TAMM41: variants seen among roughly 807,000 people sequenced by gnomAD.
TAMM41 encodes the protein phosphatidate cytidylyltransferase, mitochondrial.
TAMM41 carries 36 observed loss-of-function variants against 44.1 expected under a neutral mutation model. The observed-to-expected ratio is 0.82, with a 90% CI of 0.63 to 1.08. The LOEUF is 1.08. TAMM41 is among the 50% of genes least tolerant of loss of function. The probability of loss-of-function intolerance (pLI) is 0.00; values close to 1 mark genes in which losing one functional copy is unlikely to be tolerated. For synonymous variants in TAMM41, 164 were observed against 153.1 expected (o/e 1.07, Z -0.53); for missense variants, 417 against 404.3 (o/e 1.03, Z -0.27).
At chr3:11,770,746 G>C in the TAMM41 span, among the ~76,000 whole-genome samples, 1 of 152,154 alleles carries the variant, frequency 6.6e-6, no homozygotes, top group Non-Finnish European at 1.5e-5. Flanking sequence ...ACAGAAGTAC[G>C]AGCGACAGCC....
At chr3:11,808,650 T>C in intron 6 of TAMM41, 6 of 979,256 alleles carry the variant, frequency 6.1e-6, no homozygotes, top group Non-Finnish European at 7.3e-6. Flanking sequence ...TAAATATTTC[T>C]TGATTGACTG....
At chr3:11,797,665 G>A (rs1048617680) in intron 7 of TAMM41, among the ~76,000 whole-genome samples, 1 of 152,180 alleles carries the variant, frequency 6.6e-6, no homozygotes, top group African/African-American at 2.4e-5. Context: ...AAGAGCTTCT[G>A]CGCAGCAAAA....
chr3:11,739,630 C>T, the TAMM41 span, among the ~76,000 whole-genome samples: 1 of 136,138 alleles, frequency 7.3e-6, no homozygotes, highest in Non-Finnish European at 1.5e-5. Flanking sequence ...CAAGATAACA[C>T]CACTGCACTC....
At chr3:11,767,176 C>T in the TAMM41 span, among the ~76,000 whole-genome samples, 2 of 152,120 alleles carry the variant, frequency 1.3e-5, no homozygotes, top group Admixed American at 6.5e-5. Context: ...TCAAGCAATT[C>T]TCGTGCCTCA....
the TAMM41 span, among the ~76,000 whole-genome samples, chr3:11,752,097 T>C: frequency 6.6e-6 from 1 of 152,174 alleles, no homozygotes; most frequent in Non-Finnish European, 1.5e-5. Flanking sequence ...TCCGGTGGGT[T>C]TGTGGTCTCC....
intron 6 of TAMM41, 46 bp from the exon 7 acceptor site, chr3:11,807,941 A>C: frequency 1.4e-6 from 2 of 1,480,516 alleles, no homozygotes; most frequent in Non-Finnish European, 1.8e-6. Flanking sequence ...CCCAAAACAG[A>C]TGTTAGTCAT....
the TAMM41 span, among the ~76,000 whole-genome samples, chr3:11,745,052 G>A: frequency 3.3e-5 from 5 of 152,112 alleles, no homozygotes; most frequent in African/African-American, 9.7e-5. Context: ...TAGTAGAGAT[G>A]GGGTTGCACC....
In TAMM41 at chr3:11,807,828, C is replaced by A. The variant is rs1339396442; in HGVS notation, c.937+5G>T. ...ATGTTACACACGGATTTCCAAAGCT[C>A]TTACCAGCAGTAAAAATGCCTTTCG... On this transcript the variant is annotated splice_donor_5th_base_variant and intron_variant, in intron 7 of 7. Transcript: ENST00000455809. 2.6e-6 allele frequency: 4 copies of A among 1,536,042 alleles called. No homozygotes were observed. Among genetic ancestry groups the A allele is most frequent in the Non-Finnish European group, 2.6e-6 (3 of 1,146,938 alleles).
intron 7 of TAMM41, among the ~76,000 whole-genome samples, chr3:11,796,471 C>T (rs969739149): frequency 5.3e-5 from 8 of 152,144 alleles, no homozygotes; most frequent in African/African-American, 9.7e-5. Flanking sequence ...AGCGGATTCC[C>T]GGAATTTAAC....
intron 5 of TAMM41, among the ~76,000 whole-genome samples, chr3:11,813,179 T>C (rs1227311437): frequency 7.9e-5 from 12 of 152,186 alleles, no homozygotes; most frequent in Non-Finnish European, 1.5e-5. Flanking sequence ...AGCCAGAGAA[T>C]AGAAGATCTC....
chr3:11,764,642 G>A, the TAMM41 span, among the ~76,000 whole-genome samples: 5 of 151,508 alleles, frequency 3.3e-5, no homozygotes, highest in Admixed American at 6.6e-5. Flanking sequence ...ACAGGTGCCC[G>A]CCACCACGCC....
In TAMM41 at chr3:11,838,289, A is replaced by G. The variant is rs570402801; in HGVS notation, c.411+933T>C. On this transcript the variant is annotated intron_variant, in intron 3 of 7. Coordinates refer to ENST00000455809, the MANE Select transcript of TAMM41 (RefSeq NM_001284401.2). ...GGGTGCGGTGGTGTGATCTCGGCTC[A>G]TTGCAATTTCCATCTCCCAGATTCA... 2.5e-4 allele frequency among the ~76,000 whole-genome samples: 38 copies of G among 151,342 alleles called. No homozygotes were observed. In the South Asian group the frequency reaches 5.7e-3, roughly 23 times the overall value.
the TAMM41 span, among the ~76,000 whole-genome samples, chr3:11,751,834 C>G: frequency 6.6e-6 from 1 of 152,196 alleles, no homozygotes; most frequent in Non-Finnish European, 1.5e-5. Context: ...GAATTTTGCA[C>G]TTATCGATAG....
chr3:11,843,284 A>G (rs1470930791), intron 2 of TAMM41, among the ~76,000 whole-genome samples: 1 of 152,166 alleles, frequency 6.6e-6, no homozygotes, highest in Non-Finnish European at 1.5e-5. Context: ...CACTGTTTGG[A>G]AGTGTGTTAA....
the TAMM41 span, among the ~76,000 whole-genome samples, chr3:11,732,659 AG>A: frequency 2.6e-5 from 4 of 152,214 alleles, no homozygotes; most frequent in African/African-American, 9.6e-5. Context: ...TCACTCCAGT[AG>A]GGTGATCAAG....
chr3:11,723,580 C>CA, the TAMM41 span, among the ~76,000 whole-genome samples: 2,384 of 96,832 alleles, frequency 0.025, 62 homozygotes, highest in African/African-American at 0.074. Flanking sequence ...GACCCTGTCT[C>CA]AAAAAAAAAA....
At chr3:11,816,443 C>T (rs1242799811) in intron 5 of TAMM41, among the ~76,000 whole-genome samples, 3 of 152,062 alleles carry the variant, frequency 2.0e-5, no homozygotes, top group Non-Finnish European at 4.4e-5. Flanking sequence ...CAAACATATA[C>T]AAAAGTACAC....
the TAMM41 span, among the ~76,000 whole-genome samples, chr3:11,732,459 C>G: frequency 0.61 from 92,484 of 152,064 alleles, 29,329 homozygotes; most frequent in African/African-American, 0.78. Flanking sequence ...TCCTCTAACA[C>G]GGAGGTGTTG....
At chr3:11,827,069 T>C (rs192035921) in intron 4 of TAMM41, among the ~76,000 whole-genome samples, 31 of 152,354 alleles carry the variant, frequency 2.0e-4, no homozygotes, top group Middle Eastern at 6.8e-3. Context: ...ATGTTATTAA[T>C]GTGAAGCTCC....
Sources: gnomAD v4.1 joint callset for allele counts (sites outside exome capture counted in the v4.1 genomes callset) on GRCh38, gnomAD v4.1.1 for gene constraint, MANE v1.5 for transcripts, NCBI Gene and HGNC (gene_info 2026-07-23, HGNC 2026-07-21) for gene names.